Variants in TMEM156 observed in about 807,000 individuals in gnomAD.
TMEM156 encodes the protein transmembrane protein 156.
Under a neutral mutation model 30.5 loss-of-function variants are expected in TMEM156, and 28 were observed. The ratio of observed to expected loss-of-function variants is 0.92; its 90% CI spans 0.68 to 1.26. The LOEUF (loss-of-function observed/expected upper bound fraction) is 1.26, where lower values mean the gene tolerates loss of function less well. TMEM156 is among the 50% of genes most tolerant of loss of function. TMEM156 has a pLI of 0.00. For synonymous variants in TMEM156, 137 were observed against 119.9 expected, an observed-to-expected ratio of 1.14 and a Z score of -0.93; for missense variants, 351 against 340.6, an observed-to-expected ratio of 1.03 and a Z score of -0.24.
chr4:38,989,770 T>TTTATTTTATTTTATTTTATC (rs1244624180), intron 3 of TMEM156, among the ~76,000 whole-genome samples: 1 of 118,222 alleles, frequency 8.5e-6, no homozygotes, highest in East Asian at 3.0e-4. Flanking sequence ...TGACTCATTT[T>TTTATTTTATTTTATTTTATC]TTATTTTATT....
intron 5 of TMEM156, among the ~76,000 whole-genome samples, chr4:38,971,601 T>C (rs1722597459): frequency 6.6e-6 from 1 of 152,198 alleles, no homozygotes; most frequent in Non-Finnish European, 1.5e-5. Context: ...TTAAAATTCT[T>C]CTAATATTAT....
intron 5 of TMEM156, among the ~76,000 whole-genome samples, chr4:38,978,518 T>C (rs1722997932): frequency 6.6e-6 from 1 of 152,182 alleles, no homozygotes; most frequent in South Asian, 2.1e-4. Context: ...CTGTGCCTCA[T>C]TTCGCTCAGC....
chr4:38,990,791 G>C (rs138727017), intron 3 of TMEM156, among the ~76,000 whole-genome samples: 1 of 149,644 alleles, frequency 6.7e-6, no homozygotes, highest in Admixed American at 6.6e-5. Flanking sequence ...GTACAAAGTT[G>C]GTTGTTGCTG....
chr4:38,986,318 A>C lies in TMEM156; in HGVS notation c.823+18T>G, dbSNP rs1355893426. 1 of 1,597,168 alleles carries C rather than the reference A, an allele frequency of 6.3e-7. No individual in the cohort carries two copies. Among genetic ancestry groups the C allele is most frequent in the South Asian group, 1.1e-5 (1 of 90,762 alleles). ...GAATTTCCTGAGTGCTGTTTTGTTT[A>C]CATGCCACAGAACTTACCTGAAAGA... On this transcript the variant is annotated intron_variant, in intron 5 of 6. Coordinates refer to ENST00000381938, the MANE Select transcript of TMEM156 (RefSeq NM_024943.3).
chr4:38,997,462 C>A (rs562357409), intron 2 of TMEM156, among the ~76,000 whole-genome samples: 1 of 151,950 alleles, frequency 6.6e-6, no homozygotes, highest in African/African-American at 2.4e-5. Context: ...ACATAAATGC[C>A]CAATAAGTAC....
chr4:38,990,927 G>T (rs28409020), intron 3 of TMEM156, among the ~76,000 whole-genome samples: 2 of 140,774 alleles, frequency 1.4e-5, no homozygotes, highest in African/African-American at 2.7e-5. Flanking sequence ...TCCACCTCCC[G>T]GGTTCAAGCG....
chr4:39,008,366 A>G (rs1713886917), intron 1 of TMEM156, among the ~76,000 whole-genome samples: 1 of 152,186 alleles, frequency 6.6e-6, no homozygotes, highest in Admixed American at 6.5e-5. Context: ...ACAATTATTA[A>G]GATGATTATA....
In TMEM156 at chr4:38,969,485, A is replaced by G. The variant is rs146146555; in HGVS notation, c.*38+1547T>C. 4.1e-3 allele frequency among the ~76,000 whole-genome samples: 629 copies of G among 152,370 alleles called. 5 individuals carry two copies. Among genetic ancestry groups the G allele is most frequent in the Non-Finnish European group, 6.5e-3 (443 of 68,038 alleles). On this transcript the variant is annotated intron_variant, in intron 6 of 6. Coordinates refer to ENST00000381938, the MANE Select transcript of TMEM156 (RefSeq NM_024943.3). The stretch of plus-strand genomic sequence containing the variant: ...TTTATCCATTCACCTGTTGATGGGC[A>G]CTTAGGTCCATTCCATATCTTTGCT...
intron 5 of TMEM156, among the ~76,000 whole-genome samples, chr4:38,978,830 C>T (rs1000793265): frequency 1.3e-5 from 2 of 152,028 alleles, no homozygotes; most frequent in Non-Finnish European, 2.9e-5. Context: ...TCACCTAGGC[C>T]GGAGTGCAGA....
chr4:39,032,076 A>G (rs1440228642), intron 1 of TMEM156, 150 bp downstream of exon 1: 3 of 584,870 alleles, frequency 5.1e-6, no homozygotes, highest in Admixed American at 5.9e-5. Context: ...ACAGTCAACT[A>G]AAATTGCAAT....
At chr4:38,985,620 C>T (rs532167799) in intron 5 of TMEM156, among the ~76,000 whole-genome samples, 13 of 152,234 alleles carry the variant, frequency 8.5e-5, no homozygotes, top group Admixed American at 3.3e-4. Context: ...TCACAAAGTA[C>T]GAAGGCACCT....
At chr4:39,014,599 A>T (rs943054265) in intron 1 of TMEM156, among the ~76,000 whole-genome samples, 22 of 152,020 alleles carry the variant, frequency 1.4e-4, no homozygotes, top group Non-Finnish European at 3.1e-4. Context: ...TCTCTAATAA[A>T]AATACAAAAA....
chr4:38,990,836 T>TTTTTTTGTTTTGTTTTG lies in TMEM156; in HGVS notation c.620-1867_620-1866insCAAAACAAAACAAAAAA, dbSNP rs1395437439. Among the ~76,000 whole-genome samples the TTTTTTTGTTTTGTTTTG allele has an allele frequency of 1.3e-4, 15 of 118,312 alleles. 1 individual carries two copies. Among genetic ancestry groups the TTTTTTTGTTTTGTTTTG allele is most frequent in the African/African-American group, 1.8e-4 (6 of 33,404 alleles). 77.6% of individuals were successfully genotyped at this position (118,312 alleles called of 152,430 possible). On this transcript the variant is annotated intron_variant, in intron 3 of 6. Coordinates refer to ENST00000381938, the MANE Select transcript of TMEM156 (RefSeq NM_024943.3). ...TTTTTTGGTTTGTTTTCTGGTTTTT[T>TTTTTTTGTTTTGTTTTG]TTTTTTTTTTTTTTTTTGAGAGGGA...
At chr4:39,008,835 CA>C (rs1713917350) in intron 1 of TMEM156, among the ~76,000 whole-genome samples, 1 of 152,044 alleles carries the variant, frequency 6.6e-6, no homozygotes, top group Non-Finnish European at 1.5e-5. Context: ...ACAACCTAAG[CA>C]TACACCTAGA....
chr4:38,993,973 T>C lies in TMEM156; in HGVS notation c.384A>G (p.Glu128=). The part of the protein sequence containing the change: ...SKVLIRRGSM[E]VKANDFHSPC... ...GTGAATGAAAATCATTTGCTTTCAC[T>C]TCCATTGATCCTCTCCTGATAAGAA... Residue 128 remains glutamate, a synonymous_variant, in exon 3 of 7, where the codon GAA becomes GAG. Transcript: ENST00000381938. The C allele has an allele frequency of 6.2e-7, 1 of 1,613,886 alleles. No individual in the cohort carries two copies. The highest frequency in any genetic ancestry group is 8.5e-7 in the Non-Finnish European group (1 of 1,179,790).
chr4:39,004,611 C>T (rs899937620), intron 1 of TMEM156, among the ~76,000 whole-genome samples: 1 of 151,954 alleles, frequency 6.6e-6, no homozygotes, highest in African/African-American at 2.4e-5. Context: ...CTTTGCTTAA[C>T]ATGTTTTAGT....
intron 3 of TMEM156, among the ~76,000 whole-genome samples, chr4:38,991,368 T>G (rs879280430): frequency 5.3e-5 from 8 of 151,554 alleles, no homozygotes; most frequent in Non-Finnish European, 1.0e-4. Flanking sequence ...GGACTAAAGG[T>G]GTGCACCACA....
intron 1 of TMEM156, among the ~76,000 whole-genome samples, chr4:39,006,110 G>A (rs973239077): frequency 7.2e-5 from 11 of 152,160 alleles, no homozygotes; most frequent in Non-Finnish European, 1.2e-4. Flanking sequence ...TGGCCAGGCT[G>A]GTCTCAAACT....
intron 4 of TMEM156, among the ~76,000 whole-genome samples, chr4:38,987,537 A>C (rs1245946165): frequency 6.6e-6 from 1 of 152,232 alleles, no homozygotes; most frequent in African/African-American, 2.4e-5. Context: ...ACTTTACTGA[A>C]ACCTGGAGGC....
Sources: gnomAD v4.1 joint callset for allele counts (sites outside exome capture counted in the v4.1 genomes callset) on GRCh38, gnomAD v4.1.1 for gene constraint, MANE v1.5 for transcripts, NCBI Gene and HGNC (gene_info 2026-07-23, HGNC 2026-07-21) for gene names.